The following VAMP7 variants were observed in gnomAD, a reference collection of about 807,000 sequenced individuals.
VAMP7 encodes the protein vesicle-associated membrane protein 7.
In VAMP7, 14 loss-of-function variants were observed where a neutral mutation model predicts 29.6. That is an observed-to-expected ratio of 0.47 (90% CI 0.31 to 0.74). The LOEUF is 0.74. Among genes scored for constraint, VAMP7 ranks in the 30% least tolerant of loss-of-function variants. The pLI is 0.05. For missense variants in VAMP7, 223 were observed against 262.4 expected, an observed-to-expected ratio of 0.85 and a Z score of 1.04; for synonymous variants, 95 against 88.1, an observed-to-expected ratio of 1.08 and a Z score of -0.44.
At chrX:155,882,781 C>G (rs2065818706) in intron 1 of VAMP7, among the ~76,000 whole-genome samples, 1 of 152,132 alleles carries the variant, frequency 6.6e-6, no homozygotes, top group Admixed American at 6.5e-5. Flanking sequence ...GCTCAATGTT[C>G]ACTCATTTAT....
At chrX:155,936,826 C>G (rs1301318782) in intron 6 of VAMP7, among the ~76,000 whole-genome samples, 1 of 152,064 alleles carries the variant, frequency 6.6e-6, no homozygotes, top group Non-Finnish European at 1.5e-5. Flanking sequence ...CATCTTGGAA[C>G]AGGAATCAAA....
At chrX:155,937,418 A>G (rs1317862556) in intron 6 of VAMP7, among the ~76,000 whole-genome samples, 1 of 152,206 alleles carries the variant, frequency 6.6e-6, no homozygotes, top group Non-Finnish European at 1.5e-5. Context: ...AAGCATTCTC[A>G]CCACATACCC....
At chrX:155,939,344 T>G (rs898718900) in intron 6 of VAMP7, among the ~76,000 whole-genome samples, 4 of 152,148 alleles carry the variant, frequency 2.6e-5, no homozygotes, top group African/African-American at 9.7e-5. Context: ...CGGGGCAGAA[T>G]AGGCGAATGT....
intron 5 of VAMP7, among the ~76,000 whole-genome samples, chrX:155,919,284 T>G (rs1478795923): frequency 6.6e-6 from 1 of 152,196 alleles, no homozygotes; most frequent in African/African-American, 2.4e-5. Flanking sequence ...TACTCATTAC[T>G]GGCTTGTTCA....
chrX:155,882,841 T>G (rs917195382), intron 1 of VAMP7, among the ~76,000 whole-genome samples: 2 of 152,208 alleles, frequency 1.3e-5, no homozygotes, highest in Non-Finnish European at 2.9e-5. Flanking sequence ...TGCTGAGCAC[T>G]GGGAAAATAG....
intron 5 of VAMP7, among the ~76,000 whole-genome samples, chrX:155,915,318 T>A (rs1484692253): frequency 6.6e-6 from 1 of 152,188 alleles, no homozygotes; most frequent in Admixed American, 6.5e-5. Flanking sequence ...AACCAGCTCC[T>A]GGATTCATTG....
chrX:155,917,834 T>C (rs1188762584), intron 5 of VAMP7, among the ~76,000 whole-genome samples: 1 of 152,150 alleles, frequency 6.6e-6, no homozygotes, highest in Non-Finnish European at 1.5e-5. Context: ...GCTTGAGCAC[T>C]GTGCTGGGAT....
chrX:155,910,550 TGCACTA>T (rs2066222331), intron 5 of VAMP7, among the ~76,000 whole-genome samples: 1 of 151,984 alleles, frequency 6.6e-6, no homozygotes, highest in Non-Finnish European at 1.5e-5. Context: ...CCATAGTAGC[TGCACTA>T]GTTTACTTTC....
intron 2 of VAMP7, among the ~76,000 whole-genome samples, chrX:155,891,105 T>C (rs1020645298): frequency 6.6e-6 from 1 of 152,212 alleles, no homozygotes; most frequent in Non-Finnish European, 1.5e-5. Context: ...TGGCCTGATA[T>C]TGTTGAGAAG....
At chrX:155,895,264 C>T (rs964673459) in intron 2 of VAMP7, among the ~76,000 whole-genome samples, 1 of 152,136 alleles carries the variant, frequency 6.6e-6, no homozygotes, top group Admixed American at 6.5e-5. Context: ...TAGGAAAAAG[C>T]AAAGAAAACC....
chrX:155,907,093 T>C (rs771902769), intron 5 of VAMP7, among the ~76,000 whole-genome samples: 29 of 152,244 alleles, frequency 1.9e-4, no homozygotes, highest in African/African-American at 7.0e-4. Context: ...TGATGTATTA[T>C]AACAATTGAT....
intron 5 of VAMP7, among the ~76,000 whole-genome samples, chrX:155,913,094 A>G (rs2066261046): frequency 1.3e-5 from 2 of 151,982 alleles, no homozygotes; most frequent in African/African-American, 4.8e-5. Flanking sequence ...ATATCTCATT[A>G]TGGTTTTGAT....
chrX:155,922,162 A>C (rs1223501958), intron 6 of VAMP7, among the ~76,000 whole-genome samples: 2 of 151,992 alleles, frequency 1.3e-5, no homozygotes, highest in Non-Finnish European at 2.9e-5. Context: ...TGTATTCTGC[A>C]ACCTTAGAAA....
At chrX:155,941,057 TC>T (rs772606856) in intron 7 of VAMP7, among the ~76,000 whole-genome samples, 137 of 152,228 alleles carry the variant, frequency 9.0e-4, no homozygotes, top group Non-Finnish European at 1.4e-3. Flanking sequence ...ATGCCTGTAA[TC>T]CCAGCACTTT....
At chrX:155,916,294 CTTGA>C (rs2066312116) in intron 5 of VAMP7, among the ~76,000 whole-genome samples, 1 of 151,982 alleles carries the variant, frequency 6.6e-6, no homozygotes, top group South Asian at 2.1e-4. Context: ...ATGGGTGGGT[CTTGA>C]TTCTTTATTC....
chrX:155,937,992 TA>T (rs2066687565), intron 6 of VAMP7, among the ~76,000 whole-genome samples: 1 of 152,232 alleles, frequency 6.6e-6, no homozygotes, highest in Admixed American at 6.5e-5. Flanking sequence ...GTTCTGCTTT[TA>T]AAAAATTATG....
chrX:155,919,728 A>G, intron 5 of VAMP7, 85 bp from the exon 6 acceptor site: 3 of 1,212,154 alleles, frequency 2.5e-6, no homozygotes, highest in Non-Finnish European at 3.6e-6. Flanking sequence ...CAGTGTATTC[A>G]TTAAGTTATA....
At chrX:155,890,358 A>G (rs1198777750) in intron 2 of VAMP7, among the ~76,000 whole-genome samples, 1 of 151,690 alleles carries the variant, frequency 6.6e-6, no homozygotes, top group Non-Finnish European at 1.5e-5. Context: ...TGTTTTATTT[A>G]TTTATTTATT....
chrX:155,905,407 C>T (rs1602950851), intron 5 of VAMP7, among the ~76,000 whole-genome samples: 3 of 152,052 alleles, frequency 2.0e-5, no homozygotes, highest in Non-Finnish European at 4.4e-5. Context: ...CTTTGAAGCA[C>T]AACAGTTTTT....
Sources: gnomAD v4.1 joint callset for allele counts (sites outside exome capture counted in the v4.1 genomes callset) on GRCh38, gnomAD v4.1.1 for gene constraint, MANE v1.5 for transcripts, NCBI Gene and HGNC (gene_info 2026-07-23, HGNC 2026-07-21) for gene names.